Variants in KIF6 observed in about 807,000 individuals in gnomAD.
The protein encoded by KIF6 is kinesin-like protein KIF6.
A neutral mutation model predicts 112.7 loss-of-function variants in KIF6; 106 were observed. The ratio of observed to expected loss-of-function variants is 0.94; its 90% CI spans 0.80 to 1.11. The LOEUF is 1.11. Ranked by LOEUF, KIF6 falls within the 50% of genes least tolerant of loss-of-function variation. The probability of loss-of-function intolerance (pLI) is 0.00; values close to 1 mark genes in which losing one functional copy is unlikely to be tolerated. For synonymous variants in KIF6, 339 were observed against 339.9 expected (o/e 1.00, Z 0.03); for missense variants, 929 against 964.0 (o/e 0.96, Z 0.48).
At chr6:39,674,469 A>G (rs1787018718) in intron 3 of KIF6, among the ~76,000 whole-genome samples, 1 of 152,064 alleles carries the variant, frequency 6.6e-6, no homozygotes, top group South Asian at 2.1e-4. Context: ...TTTCTTCTTT[A>G]TATCTCAGAT....
At chr6:39,674,160 A>G (rs1279963503) in intron 3 of KIF6, among the ~76,000 whole-genome samples, 1 of 152,198 alleles carries the variant, frequency 6.6e-6, no homozygotes, top group Non-Finnish European at 1.5e-5. Context: ...TTACTGACAT[A>G]TATTTTAGGA....
intron 17 of KIF6, 121 bp from the exon 18 acceptor site, chr6:39,360,651 G>A: frequency 1.8e-6 from 2 of 1,136,978 alleles, no homozygotes; most frequent in Non-Finnish European, 1.3e-6. Context: ...TGGTGCTCAG[G>A]GACTGGGACC....
intron 13 of KIF6, among the ~76,000 whole-genome samples, chr6:39,532,954 G>T (rs936489679): frequency 1.3e-5 from 2 of 152,216 alleles, no homozygotes; most frequent in Non-Finnish European, 2.9e-5. Flanking sequence ...ACACGCGAAT[G>T]AACTTGGGCT....
intron 22 of KIF6, among the ~76,000 whole-genome samples, chr6:39,337,861 CT>C (rs773366020): frequency 1.1e-4 from 17 of 152,180 alleles, no homozygotes; most frequent in Non-Finnish European, 1.8e-4. Context: ...CCTAACATTT[CT>C]CTTTGCTGGA....
intron 3 of KIF6, among the ~76,000 whole-genome samples, chr6:39,683,713 G>T (rs1462681523): frequency 6.6e-6 from 1 of 152,122 alleles, no homozygotes; most frequent in Non-Finnish European, 1.5e-5. Context: ...GGAGGAATAG[G>T]CAAAGAAGAC....
chr6:39,590,448 TATA>T (rs746908730), intron 7 of KIF6, among the ~76,000 whole-genome samples: 1,321 of 110,696 alleles, frequency 0.012, 42 homozygotes, highest in African/African-American at 0.044. Flanking sequence ...TATATATATA[TATA>T]TTTTTTTTTT....
intron 15 of KIF6, among the ~76,000 whole-genome samples, chr6:39,397,259 T>C (rs539180818): frequency 2.0e-5 from 3 of 152,352 alleles, no homozygotes; most frequent in African/African-American, 7.2e-5. Flanking sequence ...TTGATTTCTG[T>C]AATTGGAAGT....
chr6:39,636,525 TA>T (rs1326350754), intron 4 of KIF6, among the ~76,000 whole-genome samples: 1 of 152,066 alleles, frequency 6.6e-6, no homozygotes, highest in Non-Finnish European at 1.5e-5. Flanking sequence ...CTTTGGGTTA[TA>T]ACTTGGCTTA....
rs553713479 is a variant in KIF6 at position 39,629,577 on chromosome 6, T to C, written c.509+5272A>G. Among the ~76,000 whole-genome samples the C allele has an allele frequency of 3.9e-5, 6 of 152,228 alleles. 1 individual carries two copies. In the South Asian group the frequency reaches 1.2e-3, roughly 32 times the overall value. ...GCATATTTCAGATATAAAAATTCTT[T>C]GTATATTTATATCTTTATCAGATAT... is the stretch of plus-strand genomic sequence containing the variant. On this transcript the variant is annotated intron_variant, in intron 5 of 22. Transcript: ENST00000287152.
intron 13 of KIF6, among the ~76,000 whole-genome samples, chr6:39,504,016 A>G (rs1468371243): frequency 1.3e-5 from 2 of 152,176 alleles, no homozygotes; most frequent in African/African-American, 2.4e-5. Context: ...TGAGGCCAGC[A>G]TCATCCTGAT....
At chr6:39,667,061 G>C (rs1054418972) in intron 3 of KIF6, among the ~76,000 whole-genome samples, 2 of 152,182 alleles carry the variant, frequency 1.3e-5, no homozygotes, top group African/African-American at 4.8e-5. Context: ...GTAAGAAATA[G>C]AGTAAAAAGG....
intron 6 of KIF6, among the ~76,000 whole-genome samples, chr6:39,596,822 T>C (rs9462556): frequency 0.17 from 25,976 of 152,112 alleles, 2,461 homozygotes; most frequent in Admixed American, 0.27. Context: ...GTGGTCTACA[T>C]AGAAAATGCA....
At position 39,382,884 on chromosome 6, in the gene KIF6, C is replaced by T. The variant is rs572435956; in HGVS notation, c.1861+2738G>A. On this transcript the variant is annotated intron_variant, in intron 16 of 22. Transcript: ENST00000287152. ...TTCTGACTGGTGTGAGATGGTATCT[C>T]GTTGCGATTTTGATTTGCATCTTTC... Among the ~76,000 whole-genome samples the T allele has an allele frequency of 4.6e-5, 7 of 151,748 alleles. No individual in the cohort carries two copies. In the South Asian group the frequency reaches 8.3e-4, roughly 18 times the overall value.
chr6:39,617,777 A>G (rs1783599555), intron 5 of KIF6: 1 of 454,584 alleles, frequency 2.2e-6, no homozygotes, highest in African/African-American at 2.0e-5. Context: ...CCTGACCTAG[A>G]GCAATGTCAA....
chr6:39,362,261 G>A (rs981576025), intron 17 of KIF6, among the ~76,000 whole-genome samples, 173 bp downstream of exon 17: 2 of 152,044 alleles, frequency 1.3e-5, no homozygotes, highest in Admixed American at 1.3e-4. Flanking sequence ...CACTGCCTGG[G>A]GTCCTGCCTT....
intron 22 of KIF6, among the ~76,000 whole-genome samples, chr6:39,339,151 C>A (rs987661703): frequency 6.6e-6 from 1 of 152,128 alleles, no homozygotes; most frequent in African/African-American, 2.4e-5. Context: ...AAGGAGGGCA[C>A]ACTACAGATG....
At chr6:39,663,548 T>A (rs893069283) in intron 3 of KIF6, among the ~76,000 whole-genome samples, 6 of 152,124 alleles carry the variant, frequency 3.9e-5, no homozygotes, top group Admixed American at 3.3e-4. Flanking sequence ...TACAGGCACT[T>A]TTAGATTTGG....
At chr6:39,700,190 T>C (rs942959433) in intron 3 of KIF6, among the ~76,000 whole-genome samples, 8 of 152,206 alleles carry the variant, frequency 5.3e-5, no homozygotes, top group Non-Finnish European at 1.0e-4. Flanking sequence ...AATGTACACT[T>C]AAGTTATTAT....
intron 10 of KIF6, among the ~76,000 whole-genome samples, chr6:39,547,971 T>C (rs1226476430): frequency 6.6e-6 from 1 of 152,206 alleles, no homozygotes; most frequent in Non-Finnish European, 1.5e-5. Flanking sequence ...TAGCTACTTG[T>C]ATTTTCCCTG....
Sources: allele counts gnomAD v4.1 joint callset (sites outside exome capture counted in the v4.1 genomes callset), GRCh38; gene constraint gnomAD v4.1.1; transcripts MANE v1.5; gene names NCBI Gene and HGNC (gene_info 2026-07-23, HGNC 2026-07-21).